The following GMDS variants were observed in gnomAD, a reference collection of about 807,000 sequenced individuals.
GMDS encodes GDP-mannose 4,6-dehydratase, also known as GDP-mannose 4,6 dehydratase.
Under a neutral mutation model 49.9 loss-of-function variants are expected in GMDS, and 20 were observed. The observed-to-expected ratio is 0.40, with a 90% CI of 0.28 to 0.58. The LOEUF (loss-of-function observed/expected upper bound fraction) is 0.58. Among genes scored for constraint, GMDS ranks in the 20% least tolerant of loss-of-function variants. The pLI is 0.42. For missense variants in GMDS, 362 were observed against 481.4 expected (o/e 0.75, Z 2.32); for synonymous variants, 177 against 178.6 (o/e 0.99, Z 0.07).
At chr6:1,824,865 G>T (rs1164765437) in intron 7 of GMDS, among the ~76,000 whole-genome samples, 3 of 152,080 alleles carry the variant, frequency 2.0e-5, no homozygotes, top group Non-Finnish European at 4.4e-5. Flanking sequence ...CTCTGCTTTG[G>T]ACTGTGGTAC....
intron 4 of GMDS, among the ~76,000 whole-genome samples, chr6:2,112,157 T>C (rs1298094913): frequency 6.6e-6 from 1 of 152,244 alleles, no homozygotes; most frequent in Non-Finnish European, 1.5e-5. Context: ...TTGAGAAGTA[T>C]TTATTATCTC....
chr6:1,807,632 T>C (rs1422848431), intron 7 of GMDS, among the ~76,000 whole-genome samples: 1 of 152,222 alleles, frequency 6.6e-6, no homozygotes, highest in Non-Finnish European at 1.5e-5. Flanking sequence ...AATGACACCA[T>C]CAAAGCCATT....
intron 9 of GMDS, among the ~76,000 whole-genome samples, chr6:1,726,150 C>T (rs1766577559): frequency 6.6e-6 from 1 of 152,162 alleles, no homozygotes. Context: ...AGGAGATCTG[C>T]GTGTGATGTG....
intron 7 of GMDS, among the ~76,000 whole-genome samples, chr6:1,779,075 T>C (rs895637897): frequency 3.9e-5 from 6 of 152,176 alleles, no homozygotes; most frequent in African/African-American, 1.4e-4. Flanking sequence ...AAATGAGCTG[T>C]ACTCTGTTTA....
chr6:1,936,837 C>T (rs748320786), intron 6 of GMDS, among the ~76,000 whole-genome samples: 1 of 151,754 alleles, frequency 6.6e-6, no homozygotes, highest in Non-Finnish European at 1.5e-5. Context: ...TGTGGTGGTG[C>T]GAGCATATAA....
chr6:2,166,609 C>T (rs1777682833), intron 1 of GMDS, among the ~76,000 whole-genome samples: 1 of 152,158 alleles, frequency 6.6e-6, no homozygotes, highest in Admixed American at 6.5e-5. Flanking sequence ...GATTCTTCAT[C>T]TGGAATGGCA....
intron 6 of GMDS, among the ~76,000 whole-genome samples, chr6:1,936,373 A>G (rs565463355): frequency 6.6e-6 from 1 of 152,292 alleles, no homozygotes; most frequent in Admixed American, 6.5e-5. Flanking sequence ...CACTCCTTCC[A>G]TGAACCTAGG....
chr6:2,235,134 C>CA (rs925133447), intron 1 of GMDS, among the ~76,000 whole-genome samples: 8 of 151,462 alleles, frequency 5.3e-5, no homozygotes, highest in Non-Finnish European at 1.2e-4. Flanking sequence ...TCAAAAAAAA[C>CA]AAAAAAACAA....
chr6:2,013,215 T>C (rs1767667846), intron 4 of GMDS, among the ~76,000 whole-genome samples: 1 of 152,176 alleles, frequency 6.6e-6, no homozygotes, highest in Non-Finnish European at 1.5e-5. Flanking sequence ...CAAGGTATCC[T>C]AGACAAGAGA....
chr6:1,884,835 C>A (rs1759525385), intron 7 of GMDS, among the ~76,000 whole-genome samples: 1 of 152,188 alleles, frequency 6.6e-6, no homozygotes, highest in Non-Finnish European at 1.5e-5. Flanking sequence ...GACCTCATAG[C>A]TGATCACTTC....
intron 7 of GMDS, among the ~76,000 whole-genome samples, chr6:1,811,993 T>G (rs1304069236): frequency 6.6e-6 from 1 of 152,188 alleles, no homozygotes; most frequent in African/African-American, 2.4e-5. Flanking sequence ...AATATACAAA[T>G]GATACCTTTC....
intron 7 of GMDS, among the ~76,000 whole-genome samples, chr6:1,809,852 G>A (rs1439549229): frequency 2.0e-5 from 3 of 152,096 alleles, no homozygotes; most frequent in South Asian, 2.1e-4. Context: ...TACGGTAACC[G>A]GAGGGTGATA....
At chr6:1,665,566 C>T (rs927152859) in intron 9 of GMDS, among the ~76,000 whole-genome samples, 1 of 152,168 alleles carries the variant, frequency 6.6e-6, no homozygotes, top group African/African-American at 2.4e-5. Context: ...CCCCCATTTT[C>T]CTACCCATTT....
intron 8 of GMDS, among the ~76,000 whole-genome samples, chr6:1,731,123 T>C (rs920758753): frequency 6.6e-6 from 1 of 151,938 alleles, no homozygotes; most frequent in Non-Finnish European, 1.5e-5. Context: ...AAACAAAACA[T>C]AGAAATTCAC....
chr6:2,126,361 G>C (rs541706642), intron 1 of GMDS, among the ~76,000 whole-genome samples: 1 of 152,142 alleles, frequency 6.6e-6, no homozygotes, highest in East Asian at 1.9e-4. Context: ...GGTTTTCTTC[G>C]GTTTCTTCAA....
intron 7 of GMDS, among the ~76,000 whole-genome samples, chr6:1,813,714 T>C (rs1770542703): frequency 6.6e-6 from 1 of 152,194 alleles, no homozygotes; most frequent in Admixed American, 6.5e-5. Context: ...TCCACTGACT[T>C]TTCCTCTAGT....
rs755488746 is a variant in GMDS at position 2,175,186 on chromosome 6, TG to T, written c.103-50456del. Among the ~76,000 whole-genome samples the T allele has an allele frequency of 1.0e-3, 152 of 152,306 alleles. 1 individual carries two copies. The East Asian group carries it at 0.013, about 13-fold the overall frequency. ...CATTTTTGCTTCTTGAAAAAGGAGA[TG>T]TTTTATTTATTAATGTAAGTTAACT... is the stretch of plus-strand genomic sequence containing the variant. On this transcript the variant is annotated intron_variant, in intron 1 of 10. Coordinates refer to ENST00000380815, the MANE Select transcript of GMDS (RefSeq NM_001500.4).
intron 9 of GMDS, among the ~76,000 whole-genome samples, chr6:1,663,713 C>T (rs1024210701): frequency 1.2e-4 from 19 of 152,192 alleles, no homozygotes; most frequent in African/African-American, 4.6e-4. Context: ...AGGGCCTTTG[C>T]ACAGGAGTCC....
intron 1 of GMDS, among the ~76,000 whole-genome samples, chr6:2,171,427 G>A (rs1285371621): frequency 1.3e-5 from 2 of 152,058 alleles, no homozygotes; most frequent in East Asian, 1.9e-4. Flanking sequence ...TCAACTACCC[G>A]AACAGACAAG....
Sources: gnomAD v4.1 joint callset for allele counts (sites outside exome capture counted in the v4.1 genomes callset) on GRCh38, gnomAD v4.1.1 for gene constraint, MANE v1.5 for transcripts, NCBI Gene and HGNC (gene_info 2026-07-23, HGNC 2026-07-21) for gene names.